The following TMEM59 variants were observed in gnomAD, a reference collection of about 807,000 sequenced individuals.
TMEM59 encodes the protein transmembrane protein 59.
TMEM59 carries 44 observed loss-of-function variants against 42.2 expected under a neutral mutation model. That is an observed-to-expected ratio of 1.04 (90% confidence interval 0.82 to 1.34). The LOEUF is 1.34. Ranked by LOEUF, TMEM59 falls within the 40% of genes most tolerant of loss-of-function variation. The pLI is 0.00. For missense variants in TMEM59, 359 were observed against 382.8 expected (o/e 0.94, Z 0.52); for synonymous variants, 148 against 145.8 (o/e 1.02, Z -0.11).
At chr1:54,048,749 TC>T (rs1657429647) in intron 1 of TMEM59, 9 of 368,352 alleles carry the variant, frequency 2.4e-5, no homozygotes. Flanking sequence ...TGTATTTCTT[TC>T]CAGCAAAAGG....
chr1:54,029,624 A>G lies in TMEM59; in HGVS notation c.*2526T>C, dbSNP rs548980395. ...TGTTGCTTTGGTTGGGATTTTCAAG[A>G]TCGGAAACATTTTTATGCTGTATAT... On this transcript the variant is annotated 3_prime_UTR_variant, in exon 8 of 8. Coordinates refer to ENST00000234831, the MANE Select transcript of TMEM59 (RefSeq NM_004872.5). 1 of 152,224 alleles carries G rather than the reference A, an allele frequency of 6.6e-6. No homozygotes were observed. Among genetic ancestry groups the G allele is most frequent in the Admixed American group, 6.5e-5 (1 of 15,300 alleles). The allele number at this position is 152,224 out of a possible 1,614,324, so 9.4% of individuals were successfully genotyped here.
rs546518093 is a variant in TMEM59 at position 54,030,113 on chromosome 1, G to A, written c.*2037C>T. On this transcript the variant is annotated 3_prime_UTR_variant, in exon 8 of 8. Transcript: ENST00000234831. ...AGAGAAATGAAACCAAGGGAAGGTG[G>A]AGAATATAGGACAACTGTACAGTTG... is the stretch of plus-strand genomic sequence containing the variant. The A allele has an allele frequency of 1.3e-5, 2 of 151,594 alleles. No individual in the cohort carries two copies. Among genetic ancestry groups the A allele is most frequent in the Non-Finnish European group, 2.9e-5 (2 of 67,962 alleles). 9.4% of individuals were successfully genotyped at this position (151,594 alleles called of 1,614,324 possible).
rs1450183257 is a variant in TMEM59, at chr1:54,027,868, A to AGTT, written c.*4279_*4281dup. ...GCTCCAGAATTTAATTACCACAAGG[A>AGTT]GTTAGAAAATCCACACTACCATCCA... On this transcript the variant is annotated 3_prime_UTR_variant, in exon 8 of 8. Transcript: ENST00000234831. The AGTT allele has an allele frequency of 6.6e-6, 1 of 152,196 alleles. No homozygotes were observed. The highest frequency in any genetic ancestry group is 2.4e-5 in the African/African-American group (1 of 41,452). The allele number at this position is 152,196 out of a possible 1,614,324, so 9.4% of individuals were successfully genotyped here. A position where few individuals can be genotyped will look rare whatever the true frequency, so the allele number is the denominator to read the frequency against.
chr1:54,034,593 G>A (rs1314633060), intron 7 of TMEM59: 1 of 152,222 alleles, frequency 6.6e-6, no homozygotes, highest in Non-Finnish European at 1.5e-5. Flanking sequence ...GGCCAACATG[G>A]TGAAACCCCA....
intron 5 of TMEM59, among the ~76,000 whole-genome samples, chr1:54,041,268 A>C (rs899599819): frequency 4.6e-5 from 7 of 152,224 alleles, no homozygotes; most frequent in African/African-American, 1.7e-4. Context: ...TTATGTTCTT[A>C]TAAGTCAAAA....
chr1:54,047,507 A>G (rs1457230641), intron 1 of TMEM59, 135 bp from the exon 2 acceptor site: 10 of 688,634 alleles, frequency 1.5e-5, no homozygotes, highest in African/African-American at 3.7e-5. Context: ...GAAAGAAAAA[A>G]ATGATAGGAG....
In TMEM59 at chr1:54,030,947, AATC is replaced by A. The variant is rs1656747613; in HGVS notation, c.*1200_*1202del. Reference sequence around the variant, plus strand: ...AATATTTTATGGCATAATAACAGTGAATCATATTAGAATTCTGGTGTAGGCTGG... The same window carrying A: ...AATATTTTATGGCATAATAACAGTGAATATTAGAATTCTGGTGTAGGCTGG... On this transcript the variant is annotated 3_prime_UTR_variant, in exon 8 of 8. Coordinates refer to ENST00000234831, the MANE Select transcript of TMEM59 (RefSeq NM_004872.5). The A allele has an allele frequency of 6.6e-6, 1 of 152,160 alleles. No homozygotes were observed. Among genetic ancestry groups the A allele is most frequent in the South Asian group, 2.1e-4 (1 of 4,820 alleles). 9.4% of individuals were successfully genotyped at this position (152,160 alleles called of 1,614,324 possible). A position where few individuals can be genotyped will look rare whatever the true frequency, so the allele number is the denominator to read the frequency against.
At chr1:54,047,596 T>C (rs1657386723) in intron 1 of TMEM59, 2 of 446,154 alleles carry the variant, frequency 4.5e-6, no homozygotes, top group South Asian at 3.0e-5. Flanking sequence ...AAAAGCCTAG[T>C]AGGTAAAACC....
chr1:54,040,364 G>T (rs1212371102), intron 6 of TMEM59, among the ~76,000 whole-genome samples: 2 of 151,982 alleles, frequency 1.3e-5, no homozygotes, highest in Non-Finnish European at 1.5e-5. Flanking sequence ...TGTTGGCCAG[G>T]CTGGTCTCGA....
In TMEM59 at chr1:54,031,433, T is replaced by TG. The variant is rs1656763933; in HGVS notation, c.*716dup. On this transcript the variant is annotated 3_prime_UTR_variant, in exon 8 of 8. Transcript: ENST00000234831. The stretch of plus-strand genomic sequence containing the variant: ...TCTGAAAATATGTTTACCTTATACT[T>TG]GATATGCTATCTAACAGAGAAAAAT... The TG allele has an allele frequency of 6.6e-6, 1 of 152,264 alleles. No individual in the cohort carries two copies. Among genetic ancestry groups the TG allele is most frequent in the Non-Finnish European group, 1.5e-5 (1 of 68,044 alleles). 9.4% of individuals were successfully genotyped at this position (152,264 alleles called of 1,614,324 possible).
rs544938570 is a variant in TMEM59, at chr1:54,030,705, T to A, written c.*1445A>T. On this transcript the variant is annotated 3_prime_UTR_variant, in exon 8 of 8. Transcript: ENST00000234831. ...TCCCCATCTGGATGTGTTCACAACT[T>A]TCTATCATCCAAATCTAGACAAACT... The A allele has an allele frequency of 1.2e-4, 18 of 152,316 alleles. No homozygotes were observed. Among genetic ancestry groups the A allele is most frequent in the Admixed American group, 2.0e-4 (3 of 15,296 alleles). 9.4% of individuals were successfully genotyped at this position (152,316 alleles called of 1,614,324 possible). A position where few individuals can be genotyped will look rare whatever the true frequency, so the allele number is the denominator to read the frequency against.
chr1:54,040,936 G>A, intron 5 of TMEM59, 99 bp from the exon 6 acceptor site: 1 of 914,862 alleles, frequency 1.1e-6, no homozygotes, highest in Non-Finnish European at 1.7e-6. Flanking sequence ...ATATCCAATT[G>A]TTTTTGTTTG....
intron 1 of TMEM59, 64 bp downstream of exon 1, chr1:54,052,935 AC>A (rs1327124070): frequency 1.1e-5 from 17 of 1,534,922 alleles, no homozygotes; most frequent in Admixed American, 2.0e-5. Flanking sequence ...GAGCCGACAT[AC>A]GTGTGGGGAG....
intron 6 of TMEM59, among the ~76,000 whole-genome samples, chr1:54,039,680 A>C (rs184021187): frequency 6.2e-4 from 95 of 152,368 alleles, no homozygotes; most frequent in African/African-American, 2.3e-3. Flanking sequence ...TATACTTGAG[A>C]TAGAACAGTC....
At chr1:54,046,040 A>AG (rs1657322059) in intron 2 of TMEM59, among the ~76,000 whole-genome samples, 1 of 152,172 alleles carries the variant, frequency 6.6e-6, no homozygotes, top group African/African-American at 2.4e-5. Context: ...GATGACATTC[A>AG]TATAAGAGGA....
At chr1:54,044,999 A>G (rs1436255160) in intron 3 of TMEM59, 1 of 152,226 alleles carries the variant, frequency 6.6e-6, no homozygotes, top group African/African-American at 2.4e-5. Flanking sequence ...CACTATATGT[A>G]TACTCTTTTT....
chr1:54,051,515 C>A (rs2100339217), intron 1 of TMEM59, among the ~76,000 whole-genome samples: 1 of 152,270 alleles, frequency 6.6e-6, no homozygotes, highest in East Asian at 1.9e-4. Context: ...TATTAAAGTA[C>A]CTACAACTTC....
intron 2 of TMEM59, among the ~76,000 whole-genome samples, 174 bp downstream of exon 2, chr1:54,047,093 G>T (rs1035841238): frequency 4.6e-5 from 7 of 152,132 alleles, no homozygotes; most frequent in Non-Finnish European, 1.0e-4. Flanking sequence ...GAAATTTAAA[G>T]CCCATGAAAT....
intron 7 of TMEM59, among the ~76,000 whole-genome samples, chr1:54,036,117 C>G (rs1410781299): frequency 6.6e-6 from 1 of 152,072 alleles, no homozygotes; most frequent in African/African-American, 2.4e-5. Context: ...AACTCCATTT[C>G]TACTGAATAT....
Sources: allele counts gnomAD v4.1 joint callset (sites outside exome capture counted in the v4.1 genomes callset), GRCh38; gene constraint gnomAD v4.1.1; transcripts MANE v1.5; gene names NCBI Gene and HGNC (gene_info 2026-07-23, HGNC 2026-07-21).